Variants in DPYSL2 observed in about 807,000 individuals in gnomAD.
The protein encoded by DPYSL2 is dihydropyrimidinase-related protein 2.
A neutral mutation model predicts 69.9 loss-of-function variants in DPYSL2; 13 were observed. That is an observed-to-expected ratio of 0.19 (90% confidence interval 0.12 to 0.30). The LOEUF is 0.30. Ranked by LOEUF, DPYSL2 falls within the 10% of genes least tolerant of loss-of-function variation. The pLI, the probability that DPYSL2 is intolerant of heterozygous loss-of-function variation, is 1.00. For missense variants in DPYSL2, 587 were observed against 918.9 expected (o/e 0.64, Z 4.67); for synonymous variants, 326 against 359.1 (o/e 0.91, Z 1.04).
intron 13 of DPYSL2, among the ~76,000 whole-genome samples, chr8:26,655,318 G>A (rs1353939459): frequency 2.6e-5 from 4 of 152,146 alleles, no homozygotes; most frequent in East Asian, 1.9e-4. Context: ...GCAACATAGC[G>A]AAACCCCTCT....
chr8:26,634,910 G>A lies in DPYSL2; in HGVS notation c.1126+10G>A, dbSNP rs1220011577. Reference sequence around the variant, plus strand: ...CAGGCACGGAAGAAGGGTGAGTGCTGTGGCCGGACTGGCTGATGGCAGGTG... The same window carrying A: ...CAGGCACGGAAGAAGGGTGAGTGCTATGGCCGGACTGGCTGATGGCAGGTG... On this transcript the variant is annotated intron_variant, in intron 8 of 13. Coordinates refer to ENST00000521913, the MANE Select transcript of DPYSL2 (RefSeq NM_001197293.3). The A allele has an allele frequency of 4.3e-6, 7 of 1,613,944 alleles. No individual in the cohort carries two copies. Among genetic ancestry groups the A allele is most frequent in the Non-Finnish European group, 5.9e-6 (7 of 1,179,970 alleles).
chr8:26,578,384 G>C (rs1801408143), intron 1 of DPYSL2: 5 of 1,590,470 alleles, frequency 3.1e-6, no homozygotes, highest in Non-Finnish European at 4.3e-6. Flanking sequence ...GGGGAAAGGA[G>C]AGGGACCGAA....
intron 1 of DPYSL2, among the ~76,000 whole-genome samples, chr8:26,545,681 C>T (rs939636583): frequency 1.3e-5 from 2 of 152,004 alleles, no homozygotes; most frequent in African/African-American, 2.4e-5. Flanking sequence ...GCAGGAGAAT[C>T]ACTTGAACCC....
intron 1 of DPYSL2, among the ~76,000 whole-genome samples, chr8:26,529,234 A>ATCTC (rs1199842712): frequency 7.2e-5 from 3 of 41,634 alleles, no homozygotes; most frequent in African/African-American, 3.1e-4. Context: ...ATAAATTTAA[A>ATCTC]TCTATCTATC....
rs1204271816 is a variant in DPYSL2 at position 26,605,926 on chromosome 8, T to C, written c.629-18217T>C. On this transcript the variant is annotated intron_variant, in intron 3 of 13. Coordinates refer to ENST00000521913, the MANE Select transcript of DPYSL2 (RefSeq NM_001197293.3). The surrounding 1 kb of genome is among the most constrained non-coding windows in gnomAD (Gnocchi z 4.1). ...AAAAGGTGGTTGAGTTTTTGTTTTG[T>C]TTTCCATTTGACCAAATGATTCTTA... Among the ~76,000 whole-genome samples, 1 of 152,206 alleles carries C rather than the reference T, an allele frequency of 6.6e-6. No homozygotes were observed. The highest frequency in any genetic ancestry group is 1.9e-4 in the East Asian group (1 of 5,208).
chr8:26,556,250 G>C (rs71504465), intron 1 of DPYSL2, among the ~76,000 whole-genome samples: 817 of 6,348 alleles, frequency 0.13, 286 homozygotes, highest in East Asian at 0.33. Context: ...AATATATATA[G>C]TATATATATA....
chr8:26,592,435 G>A (rs952170978), intron 3 of DPYSL2, among the ~76,000 whole-genome samples: 1 of 151,426 alleles, frequency 6.6e-6, no homozygotes, highest in South Asian at 2.1e-4. Flanking sequence ...TTACAGGCGT[G>A]AGCCACTGTG....
chr8:26,624,327 T>C lies in DPYSL2; in HGVS notation c.793+20T>C, dbSNP rs551866151. On this transcript the variant is annotated intron_variant, in intron 4 of 13. Coordinates refer to ENST00000521913, the MANE Select transcript of DPYSL2 (RefSeq NM_001197293.3). The surrounding 1 kb of genome is among the most constrained non-coding windows in gnomAD (Gnocchi z 4.7). ...ATCACGGTAGGTTGCACTGAGTCAA[T>C]GCCCTCTGCAGATGTTTCCGCTTCA... 1.1e-5 allele frequency: 18 copies of C among 1,612,562 alleles called. No individual in the cohort carries two copies. In the South Asian group the frequency reaches 1.5e-4, roughly 14 times the overall value.
At chr8:26,584,918 C>T (rs1013500001) in intron 3 of DPYSL2, among the ~76,000 whole-genome samples, 9 of 152,092 alleles carry the variant, frequency 5.9e-5, no homozygotes, top group African/African-American at 2.2e-4. Context: ...CGTGCCTGGC[C>T]GCTTTGTGCT....
chr8:26,629,226 A>G (rs7832576), intron 7 of DPYSL2, among the ~76,000 whole-genome samples: 22,542 of 152,118 alleles, frequency 0.15, 3,040 homozygotes, highest in African/African-American at 0.36. Flanking sequence ...TAGGCACACA[A>G]CAGACATAGA....
chr8:26,611,355 G>T (rs1802224449), intron 3 of DPYSL2, among the ~76,000 whole-genome samples: 1 of 152,214 alleles, frequency 6.6e-6, no homozygotes, highest in Admixed American at 6.5e-5. Flanking sequence ...AGATGGTGGA[G>T]TTGAGGCCCC....
chr8:26,582,157 CAG>C lies in DPYSL2; in HGVS notation c.443+105_443+106del. ...CCAAAGTATCAAACTTCAGGAACAT[CAG>C]AGAGTGACCAACTTAGTATCTGTTT... is the stretch of plus-strand genomic sequence containing the variant. On this transcript the variant is annotated intron_variant, in intron 2 of 13. Transcript: ENST00000521913. This position sits in a 1 kb window ranked among gnomAD's most constrained non-coding sequence, Gnocchi z 4.1. 1 of 887,898 alleles carries C rather than the reference CAG, an allele frequency of 1.1e-6. No homozygotes were observed. Among genetic ancestry groups the C allele is most frequent in the Non-Finnish European group, 1.8e-6 (1 of 561,916 alleles). The allele number at this position is 887,898 out of a possible 1,614,324, so 55.0% of individuals were successfully genotyped here. A position where few individuals can be genotyped will look rare whatever the true frequency, so the allele number is the denominator to read the frequency against.
In DPYSL2 at chr8:26,565,672, T is replaced by C. The variant is rs979694701; in HGVS notation, c.355-16297T>C. Among the ~76,000 whole-genome samples, 5 of 152,216 alleles carry C rather than the reference T, an allele frequency of 3.3e-5. No homozygotes were observed. The highest frequency in any genetic ancestry group is 2.0e-4 in the Admixed American group (3 of 15,288). ...AATACTGCTGCTATGATAAATAGAC[T>C]CCACTATGTATAATGACTCGAGCAC... On this transcript the variant is annotated intron_variant, in intron 1 of 13. Transcript: ENST00000521913. The surrounding 1 kb of genome is among the most constrained non-coding windows in gnomAD (Gnocchi z 4.1).
chr8:26,646,267 A>G (rs1190753441), intron 10 of DPYSL2, among the ~76,000 whole-genome samples: 1 of 151,462 alleles, frequency 6.6e-6, no homozygotes, highest in Non-Finnish European at 1.5e-5. Flanking sequence ...TTATGTTTGT[A>G]GGAGAAATTT....
chr8:26,577,417 C>T (rs895997410), intron 1 of DPYSL2: 3 of 150,306 alleles, frequency 2.0e-5, no homozygotes, highest in Admixed American at 2.0e-4. Context: ...GGAGCCCTCC[C>T]GGGCTGCGCG....
In DPYSL2 at chr8:26,586,661, G is replaced by A. The variant is rs1248280199; in HGVS notation, c.628+2678G>A. ...GCCTTTTTTCCATTCATCCAGATGG[G>A]TTCCTTCTGTTTAGGGACGAGGGAC... On this transcript the variant is annotated intron_variant, in intron 3 of 13. Transcript: ENST00000521913. The surrounding 1 kb of genome is among the most constrained non-coding windows in gnomAD (Gnocchi z 4.7). 6.6e-6 allele frequency among the ~76,000 whole-genome samples: 1 copy of A among 152,120 alleles called. No individual in the cohort carries two copies. Among genetic ancestry groups the A allele is most frequent in the Non-Finnish European group, 1.5e-5 (1 of 68,032 alleles).
intron 3 of DPYSL2, among the ~76,000 whole-genome samples, chr8:26,615,424 G>C (rs1323966168): frequency 6.6e-6 from 1 of 152,184 alleles, no homozygotes; most frequent in African/African-American, 2.4e-5. Flanking sequence ...TTAAAATCCA[G>C]GCCCTGTGAG....
At position 26,580,678 on chromosome 8, in the gene DPYSL2, G is replaced by C. The variant is rs906969496; in HGVS notation, c.355-1291G>C. Among the ~76,000 whole-genome samples, 3 of 151,998 alleles carry C rather than the reference G, an allele frequency of 2.0e-5. No individual in the cohort carries two copies. The highest frequency in any genetic ancestry group is 2.9e-5 in the Non-Finnish European group (2 of 68,000). ...AGATTTTCTATGATTTCCTTTTCTT[G>C]GTAGCTGCTAAAGAGAGGTAGCACT... On this transcript the variant is annotated intron_variant, in intron 1 of 13. Transcript: ENST00000521913. This position sits in a 1 kb window ranked among gnomAD's most constrained non-coding sequence, Gnocchi z 4.1.
chr8:26,532,491 C>A (rs1197989405), intron 1 of DPYSL2, among the ~76,000 whole-genome samples: 1 of 152,214 alleles, frequency 6.6e-6, no homozygotes. Context: ...ACATTTGCAT[C>A]ATCCCCAAAA....
Sources: allele counts gnomAD v4.1 joint callset (sites outside exome capture counted in the v4.1 genomes callset), GRCh38; gene constraint gnomAD v4.1.1; non-coding constraint Gnocchi (gnomAD v3.1); transcripts MANE v1.5; gene names NCBI Gene and HGNC (gene_info 2026-07-23, HGNC 2026-07-21).